The following GRIK2 variants were observed in gnomAD, a reference collection of about 807,000 sequenced individuals.
The protein encoded by GRIK2 is glutamate receptor ionotropic, kainate 2.
A neutral mutation model predicts 100.3 loss-of-function variants in GRIK2; 32 were observed. The observed-to-expected ratio is 0.32, with a 90% CI of 0.24 to 0.43. The LOEUF is 0.43. GRIK2 is among the 20% of genes least tolerant of loss of function. The pLI is 1.00. For missense variants in GRIK2, 843 were observed against 1,114.9 expected (o/e 0.76, Z 3.47); for synonymous variants, 417 against 389.4 (o/e 1.07, Z -0.83).
At chr6:102,015,769 A>G (rs1477267989) in intron 14 of GRIK2, among the ~76,000 whole-genome samples, 1 of 152,202 alleles carries the variant, frequency 6.6e-6, no homozygotes, top group Non-Finnish European at 1.5e-5. Context: ...CCAGTGGTCC[A>G]GGAGCACTTC....
At chr6:101,555,753 A>T (rs1270624520) in intron 2 of GRIK2, among the ~76,000 whole-genome samples, 4 of 152,174 alleles carry the variant, frequency 2.6e-5, no homozygotes, top group African/African-American at 7.2e-5. Flanking sequence ...AACATTATGC[A>T]TTTGATCTTT....
At chr6:101,609,728 T>C (rs1779589763) in intron 2 of GRIK2, among the ~76,000 whole-genome samples, 1 of 151,772 alleles carries the variant, frequency 6.6e-6, no homozygotes, top group African/African-American at 2.4e-5. Context: ...CCAAGTTAAG[T>C]CCGATAAGTC....
At chr6:102,011,113 C>T (rs916865311) in intron 14 of GRIK2, among the ~76,000 whole-genome samples, 5 of 152,144 alleles carry the variant, frequency 3.3e-5, no homozygotes, top group African/African-American at 1.2e-4. Flanking sequence ...AACTGTCAAG[C>T]TGCCTGCTAA....
At position 101,399,004 on chromosome 6, in the gene GRIK2, G is replaced by T; in HGVS notation, c.-274G>T. 1 of 431,442 alleles carries T rather than the reference G, an allele frequency of 2.3e-6. No homozygotes were observed. The allele number at this position is 431,442 out of a possible 1,614,324, so 26.7% of individuals were successfully genotyped here. On this transcript the variant is annotated 5_prime_UTR_variant, in exon 2 of 17. Transcript: ENST00000369134. ...TCACAGGCTCGCGCGGCCGGACATT[G>T]TGGGTGTGCGTGCTGGATTTCTCCC... is the stretch of plus-strand genomic sequence containing the variant.
At chr6:102,025,622 A>G (rs1159744171) in intron 14 of GRIK2, among the ~76,000 whole-genome samples, 2 of 151,246 alleles carry the variant, frequency 1.3e-5, no homozygotes, top group African/African-American at 2.4e-5. Context: ...CCCTAATTAA[A>G]ATGTGCTGTA....
chr6:101,942,896 C>G (rs1582584643), intron 14 of GRIK2, among the ~76,000 whole-genome samples: 1 of 152,120 alleles, frequency 6.6e-6, no homozygotes, highest in East Asian at 1.9e-4. Context: ...CAACTGGCTG[C>G]AGAAATTTGC....
At position 101,816,520 on chromosome 6, in the gene GRIK2, C is replaced by T. The variant is rs116916368; in HGVS notation, c.1204-1850C>T. Among the ~76,000 whole-genome samples, 4 of 151,858 alleles carry T rather than the reference C, an allele frequency of 2.6e-5. No individual in the cohort carries two copies. In the East Asian group the frequency reaches 7.8e-4, roughly 30 times the overall value. ...CATGGTGAAACTAAAAATACAAATACAAAATACTAAAAATACAAAAATTAG... is the reference window on the plus strand; with the variant it reads ...CATGGTGAAACTAAAAATACAAATATAAAATACTAAAAATACAAAAATTAG... On this transcript the variant is annotated intron_variant, in intron 9 of 16. Coordinates refer to ENST00000369134, the MANE Select transcript of GRIK2 (RefSeq NM_021956.5).
At chr6:101,988,128 T>C (rs867655398) in intron 14 of GRIK2, among the ~76,000 whole-genome samples, 4 of 20,166 alleles carry the variant, frequency 2.0e-4, no homozygotes, top group South Asian at 4.0e-3. Context: ...TGTGTGTGTG[T>C]GTGTGCGCGC....
intron 2 of GRIK2, among the ~76,000 whole-genome samples, chr6:101,536,675 C>G (rs1230794263): frequency 2.0e-5 from 3 of 151,582 alleles, no homozygotes; most frequent in African/African-American, 7.3e-5. Flanking sequence ...GATTTTACTT[C>G]TGGTTGCAAA....
chr6:101,619,822 A>G (rs545586729), intron 2 of GRIK2, among the ~76,000 whole-genome samples: 2 of 152,228 alleles, frequency 1.3e-5, no homozygotes, highest in South Asian at 2.1e-4. Flanking sequence ...GCAGAAAACT[A>G]CTAGTTTGTA....
intron 14 of GRIK2, among the ~76,000 whole-genome samples, chr6:102,015,520 A>T (rs1176513518): frequency 1.3e-5 from 2 of 152,176 alleles, no homozygotes; most frequent in African/African-American, 2.4e-5. Flanking sequence ...ACGAGTACAG[A>T]TGTGCAAACA....
At position 101,807,272 on chromosome 6, in the gene GRIK2, C is replaced by T. The variant is rs140995772; in HGVS notation, c.1203+4834C>T. Among the ~76,000 whole-genome samples, 98 of 152,004 alleles carry T rather than the reference C, an allele frequency of 6.4e-4. 1 individual carries two copies. The highest frequency in any genetic ancestry group is 2.1e-3 in the African/African-American group (89 of 41,478). ...GGATTTTAGATTGCAGAAGGTCACC[C>T]TGAAGTCGGAAATTGTAAGGATCCA... On this transcript the variant is annotated intron_variant, in intron 9 of 16. Coordinates refer to ENST00000369134, the MANE Select transcript of GRIK2 (RefSeq NM_021956.5).
intron 13 of GRIK2, 141 bp downstream of exon 13, chr6:101,924,860 A>G (rs1789785806): frequency 1.6e-6 from 1 of 620,386 alleles, no homozygotes. Context: ...GACCTAATGC[A>G]TTTAGGCCTT....
intron 16 of GRIK2, among the ~76,000 whole-genome samples, chr6:102,066,620 A>T (rs538749674): frequency 5.9e-5 from 9 of 151,602 alleles, no homozygotes; most frequent in African/African-American, 2.2e-4. Flanking sequence ...ACAAGGAGAA[A>T]CAAAGGAAAA....
chr6:101,940,247 T>G (rs1289613781), intron 14 of GRIK2, among the ~76,000 whole-genome samples: 2 of 152,232 alleles, frequency 1.3e-5, no homozygotes, highest in Non-Finnish European at 2.9e-5. Flanking sequence ...GTGGCTTTTG[T>G]TTTAATGAAG....
At chr6:101,935,119 A>G (rs909491549) in intron 14 of GRIK2, among the ~76,000 whole-genome samples, 8 of 151,940 alleles carry the variant, frequency 5.3e-5, no homozygotes, top group Non-Finnish European at 5.9e-5. Context: ...TAGTTTGCAC[A>G]TGTTTACTAT....
chr6:101,898,737 A>G (rs1184313203), intron 12 of GRIK2, among the ~76,000 whole-genome samples: 2 of 152,036 alleles, frequency 1.3e-5, no homozygotes, highest in Non-Finnish European at 2.9e-5. Context: ...CGTGTATTAA[A>G]AGAATAAAAC....
chr6:101,938,364 C>G (rs570124928), intron 14 of GRIK2, among the ~76,000 whole-genome samples: 1 of 152,174 alleles, frequency 6.6e-6, no homozygotes, highest in African/African-American at 2.4e-5. Flanking sequence ...CATTCTTCCC[C>G]TTAACTCCAG....
chr6:101,660,031 G>A (rs943545272), intron 4 of GRIK2, among the ~76,000 whole-genome samples: 1 of 152,080 alleles, frequency 6.6e-6, no homozygotes, highest in Non-Finnish European at 1.5e-5. Flanking sequence ...TTGCTAGGTT[G>A]GGGAAGTTCT....
Sources: gnomAD v4.1 joint callset for allele counts (sites outside exome capture counted in the v4.1 genomes callset) on GRCh38, gnomAD v4.1.1 for gene constraint, MANE v1.5 for transcripts, NCBI Gene and HGNC (gene_info 2026-07-23, HGNC 2026-07-21) for gene names.